Variants in SYNPO2 observed in about 807,000 individuals in gnomAD.
The protein encoded by SYNPO2 is synaptopodin 2.
SYNPO2 carries 56 observed loss-of-function variants against 85.0 expected under a neutral mutation model. The observed-to-expected ratio is 0.66, with a 90% CI of 0.53 to 0.82. SYNPO2 has a LOEUF of 0.82. SYNPO2 is among the 40% of genes least tolerant of loss of function. The pLI, the probability that SYNPO2 is intolerant of heterozygous loss-of-function variation, is 0.00. For synonymous variants in SYNPO2, 602 were observed against 591.1 expected, an observed-to-expected ratio of 1.02 and a Z score of -0.27; for missense variants, 1,575 against 1,534.2, an observed-to-expected ratio of 1.03 and a Z score of -0.44.
At chr4:119,015,039 T>C (rs1005742723) in intron 1 of SYNPO2, among the ~76,000 whole-genome samples, 2 of 152,360 alleles carry the variant, frequency 1.3e-5, no homozygotes, top group Admixed American at 6.5e-5. Flanking sequence ...TTGATACTTT[T>C]TAAATGAAAA....
At chr4:118,914,354 G>A (rs1188106969) in intron 1 of SYNPO2, among the ~76,000 whole-genome samples, 1 of 152,070 alleles carries the variant, frequency 6.6e-6, no homozygotes, top group African/African-American at 2.4e-5. Flanking sequence ...CCTGAAGCAA[G>A]AAGCCAAGAG....
intron 1 of SYNPO2, among the ~76,000 whole-genome samples, chr4:118,899,745 G>A (rs1732656711): frequency 6.6e-6 from 1 of 151,922 alleles, no homozygotes; most frequent in African/African-American, 2.4e-5. Context: ...TTAAACCCTG[G>A]CTGTACTTTT....
intron 1 of SYNPO2, among the ~76,000 whole-genome samples, chr4:118,862,597 T>C (rs1168667829): frequency 6.6e-6 from 1 of 152,224 alleles, no homozygotes; most frequent in Non-Finnish European, 1.5e-5. Context: ...ATTATTTTTA[T>C]CCTTCATTCT....
intron 1 of SYNPO2, among the ~76,000 whole-genome samples, chr4:118,931,235 T>A (rs1312376979): frequency 6.6e-6 from 1 of 151,812 alleles, no homozygotes; most frequent in African/African-American, 2.4e-5. Flanking sequence ...AAAAAAAAAA[T>A]TCAGGATTGA....
intron 1 of SYNPO2, among the ~76,000 whole-genome samples, chr4:119,014,066 C>T (rs1032178224): frequency 2.6e-5 from 4 of 152,224 alleles, no homozygotes; most frequent in Non-Finnish European, 5.9e-5. Flanking sequence ...CAACCCATCA[C>T]AACAGATTGA....
At chr4:118,857,763 A>G (rs755520481) in intron 1 of SYNPO2, among the ~76,000 whole-genome samples, 1 of 152,344 alleles carries the variant, frequency 6.6e-6, no homozygotes, top group Non-Finnish European at 1.5e-5. Context: ...AGATTTTTCT[A>G]GAAGTATCAT....
intron 1 of SYNPO2, among the ~76,000 whole-genome samples, chr4:118,968,574 C>T (rs1735402992): frequency 6.6e-6 from 1 of 152,192 alleles, no homozygotes; most frequent in African/African-American, 2.4e-5. Context: ...AGTAAAATTT[C>T]TGACCATGAT....
intron 1 of SYNPO2, among the ~76,000 whole-genome samples, chr4:118,873,030 T>A (rs1731831676): frequency 6.6e-6 from 1 of 152,146 alleles, no homozygotes; most frequent in East Asian, 1.9e-4. Context: ...TCAATAGTAT[T>A]CCATTGTGTG....
chr4:118,962,868 A>G (rs1735160103), intron 1 of SYNPO2, among the ~76,000 whole-genome samples: 2 of 152,146 alleles, frequency 1.3e-5, no homozygotes, highest in African/African-American at 4.8e-5. Context: ...GGCCTTGGGG[A>G]ATGCAAACTG....
At chr4:118,973,531 C>T (rs1231083478) in intron 1 of SYNPO2, among the ~76,000 whole-genome samples, 1 of 152,038 alleles carries the variant, frequency 6.6e-6, no homozygotes, top group East Asian at 1.9e-4. Flanking sequence ...ATAAAAATTT[C>T]CCTTCACCAA....
At chr4:118,942,980 G>A (rs1412560832) in intron 1 of SYNPO2, among the ~76,000 whole-genome samples, 1 of 152,004 alleles carries the variant, frequency 6.6e-6, no homozygotes, top group Non-Finnish European at 1.5e-5. Flanking sequence ...GGGGGCATGC[G>A]CCTGTAATCC....
At chr4:118,954,441 A>G (rs552812600) in intron 1 of SYNPO2, among the ~76,000 whole-genome samples, 2 of 152,286 alleles carry the variant, frequency 1.3e-5, no homozygotes, top group East Asian at 1.9e-4. Context: ...CAGCATTGCC[A>G]TCTAGGGACT....
At chr4:118,984,373 TA>T (rs1451811507) in intron 1 of SYNPO2, among the ~76,000 whole-genome samples, 2 of 152,296 alleles carry the variant, frequency 1.3e-5, no homozygotes, top group Admixed American at 1.3e-4. Context: ...TCTGTTTAAT[TA>T]AAAAAATCCT....
intron 1 of SYNPO2, among the ~76,000 whole-genome samples, chr4:118,922,225 G>C (rs1733564925): frequency 6.6e-6 from 1 of 152,038 alleles, no homozygotes; most frequent in Admixed American, 6.6e-5. Flanking sequence ...TTACTCTGGA[G>C]TTGTTTCTGT....
intron 1 of SYNPO2, among the ~76,000 whole-genome samples, chr4:118,982,280 C>T (rs1326290773): frequency 1.3e-5 from 2 of 152,016 alleles, no homozygotes; most frequent in Non-Finnish European, 2.9e-5. Context: ...ATGTCCAGTG[C>T]AGTGTAGGAA....
intron 1 of SYNPO2, among the ~76,000 whole-genome samples, chr4:118,953,608 T>C (rs1734770427): frequency 6.6e-6 from 1 of 151,950 alleles, no homozygotes; most frequent in African/African-American, 2.4e-5. Context: ...GCCTTTTTTT[T>C]TTTGATAATT....
intron 1 of SYNPO2, among the ~76,000 whole-genome samples, chr4:118,909,355 TG>T (rs1733056390): frequency 6.6e-6 from 1 of 152,094 alleles, no homozygotes; most frequent in Non-Finnish European, 1.5e-5. Flanking sequence ...AAGATGTCCC[TG>T]GGGGTATTGA....
At chr4:118,906,777 A>G (rs1036842287) in intron 1 of SYNPO2, among the ~76,000 whole-genome samples, 10 of 152,064 alleles carry the variant, frequency 6.6e-5, no homozygotes, top group Non-Finnish European at 1.5e-4. Flanking sequence ...TTAGCAAATT[A>G]CTATTGAATT....
At chr4:118,854,486 T>C (rs913202224) in intron 1 of SYNPO2, among the ~76,000 whole-genome samples, 10 of 152,318 alleles carry the variant, frequency 6.6e-5, no homozygotes, top group Non-Finnish European at 1.0e-4. Context: ...TCTATATGAA[T>C]CAAGGAATCA....
Sources: allele counts gnomAD v4.1 joint callset (sites outside exome capture counted in the v4.1 genomes callset), GRCh38; gene constraint gnomAD v4.1.1; transcripts MANE v1.5; gene names NCBI Gene and HGNC (gene_info 2026-07-23, HGNC 2026-07-21).